CTDSPL: variants seen among roughly 807,000 people sequenced by gnomAD.
The protein encoded by CTDSPL is CTD small phosphatase-like protein.
A neutral mutation model predicts 30.5 loss-of-function variants in CTDSPL; 8 were observed. The ratio of observed to expected loss-of-function variants is 0.26; its 90% CI spans 0.15 to 0.47. The LOEUF (loss-of-function observed/expected upper bound fraction) is 0.47. Ranked by LOEUF, CTDSPL falls within the 20% of genes least tolerant of loss-of-function variation. The pLI is 0.99. For missense variants in CTDSPL, 248 were observed against 366.1 expected (o/e 0.68, Z 2.63); for synonymous variants, 110 against 137.9 (o/e 0.80, Z 1.42).
chr3:37,965,264 AAGGGTGTGG>A (rs1475125693), intron 4 of CTDSPL, among the ~76,000 whole-genome samples: 1 of 152,122 alleles, frequency 6.6e-6, no homozygotes. Context: ...TTCCCTCCTG[AAGGGTGTGG>A]AGGTCAGACA....
rs146811798 is a variant in CTDSPL at position 37,862,974 on chromosome 3, C to T, written c.79+696C>T. On this transcript the variant is annotated intron_variant, in intron 1 of 7. Transcript: ENST00000273179. The surrounding 1 kb of genome is among the most constrained non-coding windows in gnomAD (Gnocchi z 4.3). ...TACAATGAGGCTGTGTGCATCAGTG[C>T]ACCTAACCACGAACCTGTGTGTACA... Among the ~76,000 whole-genome samples the T allele has an allele frequency of 6.6e-6, 1 of 152,326 alleles. No individual in the cohort carries two copies. Among genetic ancestry groups the T allele is most frequent in the African/African-American group, 2.4e-5 (1 of 41,564 alleles).
chr3:37,966,570 T>TTAGCATGA (rs1180206160), intron 4 of CTDSPL, among the ~76,000 whole-genome samples: 1 of 152,208 alleles, frequency 6.6e-6, no homozygotes, highest in African/African-American at 2.4e-5. Context: ...CTTTTGTTTT[T>TTAGCATGA]TAGCATGATT....
chr3:37,977,163 C>T (rs139073223), intron 7 of CTDSPL, among the ~76,000 whole-genome samples: 6 of 152,232 alleles, frequency 3.9e-5, no homozygotes, highest in Middle Eastern at 3.4e-3. Flanking sequence ...TATTTGGTAA[C>T]GTGTCTCTAA....
intron 1 of CTDSPL, among the ~76,000 whole-genome samples, chr3:37,889,319 T>C (rs1698298010): frequency 2.6e-5 from 4 of 152,346 alleles, no homozygotes; most frequent in South Asian, 4.1e-4. Context: ...TTGAAATTTT[T>C]TGTAATAAAG....
chr3:37,934,489 A>T (rs1698892418), intron 1 of CTDSPL, among the ~76,000 whole-genome samples: 1 of 152,208 alleles, frequency 6.6e-6, no homozygotes, highest in South Asian at 2.1e-4. Context: ...GAAATAATAG[A>T]AAAGTATAAT....
chr3:37,979,841 T>C (rs1384318774), intron 7 of CTDSPL, among the ~76,000 whole-genome samples: 1 of 152,214 alleles, frequency 6.6e-6, no homozygotes, highest in Non-Finnish European at 1.5e-5. Flanking sequence ...CTTTTATTGC[T>C]TTTTTTCTTA....
intron 1 of CTDSPL, among the ~76,000 whole-genome samples, chr3:37,875,477 A>G (rs150955858): frequency 3.9e-4 from 60 of 152,350 alleles, no homozygotes; most frequent in African/African-American, 1.4e-3. Context: ...CAAAATCAGT[A>G]TTTAAGCTTT....
chr3:37,945,215 C>T (rs370914120), intron 1 of CTDSPL, among the ~76,000 whole-genome samples: 22 of 150,246 alleles, frequency 1.5e-4, no homozygotes, highest in South Asian at 6.4e-4. Context: ...AATGGTTTAA[C>T]GAATCATTTA....
At chr3:37,931,613 T>C (rs1698855947) in intron 1 of CTDSPL, among the ~76,000 whole-genome samples, 1 of 152,156 alleles carries the variant, frequency 6.6e-6, no homozygotes, top group Non-Finnish European at 1.5e-5. Flanking sequence ...TCCTTTGTGG[T>C]TCATTAATTT....
At chr3:37,879,503 C>A (rs615734) in intron 1 of CTDSPL, among the ~76,000 whole-genome samples, 1 of 152,360 alleles carries the variant, frequency 6.6e-6, no homozygotes, top group African/African-American at 2.4e-5. Flanking sequence ...ACCTTTTGAG[C>A]CTCCTATGCG....
At position 37,975,033 on chromosome 3, in the gene CTDSPL, C is replaced by G. The variant is rs1238462893; in HGVS notation, c.520-676C>G. ...TACTCCACTCTGTGAGGGAAACAAC[C>G]CAGAAAGGAAGATAGATGTGGCTCT... On this transcript the variant is annotated intron_variant, in intron 6 of 7. Coordinates refer to ENST00000273179, the MANE Select transcript of CTDSPL (RefSeq NM_001008392.2). The surrounding 1 kb of genome is among the most constrained non-coding windows in gnomAD (Gnocchi z 4.9). Among the ~76,000 whole-genome samples, 3 of 152,086 alleles carry G rather than the reference C, an allele frequency of 2.0e-5. No individual in the cohort carries two copies. The highest frequency in any genetic ancestry group is 4.4e-5 in the Non-Finnish European group (3 of 68,014).
At position 37,862,260 on chromosome 3, in the gene CTDSPL, C is replaced by G; in HGVS notation, c.61C>G (p.Pro21Ala). The G allele has an allele frequency of 6.7e-7, 1 of 1,494,934 alleles. No homozygotes were observed. Among genetic ancestry groups the G allele is most frequent in the Middle Eastern group, 2.4e-4 (1 of 4,216 alleles). The allele number at this position is 1,494,934 out of a possible 1,614,324, so 92.6% of individuals were successfully genotyped here. The change falls in exon 1 of 8, where the codon CCG becomes GCG. Residue 21 changes from proline (P) to alanine (A), a missense_variant. By Grantham distance (27) the Pro-to-Ala change is conservative. Transcript: ENST00000273179. The surrounding 1 kb of genome is among the most constrained non-coding windows in gnomAD (Gnocchi z 4.3). The stretch of plus-strand genomic sequence containing the variant: ...CCCCAAGGAGGACGAGGGCCGGTTG[C>G]CGGGCGCGGGCGAGAAAGGTGAGGA... ...TNPKEDEGRLPGAGEKASQCN... is the reference protein window; with the variant it reads ...TNPKEDEGRLAGAGEKASQCN...
chr3:37,918,101 G>C (rs562150848), intron 1 of CTDSPL, among the ~76,000 whole-genome samples: 9 of 152,258 alleles, frequency 5.9e-5, no homozygotes, highest in Non-Finnish European at 1.2e-4. Flanking sequence ...CCCAGGAGGG[G>C]CATATGCTAA....
intron 2 of CTDSPL, 125 bp downstream of exon 2, chr3:37,947,336 C>A (rs1253547047): frequency 8.9e-7 from 1 of 1,118,206 alleles, no homozygotes; most frequent in South Asian, 1.6e-5. Flanking sequence ...TCTGTAATAT[C>A]AGCACTGAGG....
chr3:37,983,814 G>T lies in CTDSPL; in HGVS notation c.*2947G>T, dbSNP rs1442461971. Reference sequence around the variant, plus strand: ...TTAGCTGTTTGTAAATAATGCATTTGCATACTGAAAAAGGAATGCCACCTG... The same window carrying T: ...TTAGCTGTTTGTAAATAATGCATTTTCATACTGAAAAAGGAATGCCACCTG... On this transcript the variant is annotated 3_prime_UTR_variant, in exon 8 of 8. Coordinates refer to ENST00000273179, the MANE Select transcript of CTDSPL (RefSeq NM_001008392.2). 5.9e-6 allele frequency: 1 copy of T among 170,624 alleles called. No homozygotes were observed. The highest frequency in any genetic ancestry group is 1.3e-5 in the Non-Finnish European group (1 of 77,444). The allele number at this position is 170,624 out of a possible 1,614,324, so 10.6% of individuals were successfully genotyped here.
chr3:37,862,381 AG>A lies in CTDSPL; in HGVS notation c.79+106del. On this transcript the variant is annotated intron_variant, in intron 1 of 7. Transcript: ENST00000273179. The surrounding 1 kb of genome is among the most constrained non-coding windows in gnomAD (Gnocchi z 4.3). ...GCATGGGCCTGGGGGAGGGGTGCACAGGGCCCGGAGGGTGCGTGGGTGTGGG... is the reference window on the plus strand; with the variant it reads ...GCATGGGCCTGGGGGAGGGGTGCACAGGCCCGGAGGGTGCGTGGGTGTGGG... The A allele has an allele frequency of 1.1e-6, 1 of 947,830 alleles. No homozygotes were observed. The highest frequency in any genetic ancestry group is 1.4e-6 in the Non-Finnish European group (1 of 718,652). The allele number at this position is 947,830 out of a possible 1,614,324, so 58.7% of individuals were successfully genotyped here. A position where few individuals can be genotyped will look rare whatever the true frequency, so the allele number is the denominator to read the frequency against.
chr3:37,942,747 C>T (rs1442611906), intron 1 of CTDSPL, among the ~76,000 whole-genome samples: 1 of 150,360 alleles, frequency 6.7e-6, no homozygotes, highest in African/African-American at 2.4e-5. Context: ...TTATTATCCC[C>T]ATTTTACAGA....
rs750797615 is a variant in CTDSPL at position 37,982,686 on chromosome 3, G to A, written c.*1819G>A. 4.6e-5 allele frequency: 21 copies of A among 456,194 alleles called. No homozygotes were observed. Among genetic ancestry groups the A allele is most frequent in the Non-Finnish European group, 7.5e-5 (17 of 226,692 alleles). The allele number at this position is 456,194 out of a possible 1,614,324, so 28.3% of individuals were successfully genotyped here. A position where few individuals can be genotyped will look rare whatever the true frequency, so the allele number is the denominator to read the frequency against. On this transcript the variant is annotated 3_prime_UTR_variant, in exon 8 of 8. Transcript: ENST00000273179. ...AAACAGGTCTCCCAGCATTCTGAGT[G>A]TTCCAAACCAGTAATCCACATGCCA...
intron 1 of CTDSPL, among the ~76,000 whole-genome samples, chr3:37,880,006 G>A (rs568251007): frequency 9.2e-5 from 14 of 151,394 alleles, no homozygotes; most frequent in Non-Finnish European, 1.9e-4. Flanking sequence ...GTGTGAATAA[G>A]ACCTTGCCGT....
Sources: allele counts gnomAD v4.1 joint callset (sites outside exome capture counted in the v4.1 genomes callset), GRCh38; gene constraint gnomAD v4.1.1; non-coding constraint Gnocchi (gnomAD v3.1); transcripts MANE v1.5; gene names NCBI Gene and HGNC (gene_info 2026-07-23, HGNC 2026-07-21).